DENND2B: variants seen among roughly 807,000 people sequenced by gnomAD.
DENND2B encodes the protein DENN domain-containing protein 2B.
A neutral mutation model predicts 116.0 loss-of-function variants in DENND2B; 32 were observed. That is an observed-to-expected ratio of 0.28 (90% CI 0.21 to 0.37). DENND2B has a LOEUF of 0.37. Among genes scored for constraint, DENND2B ranks in the 10% least tolerant of loss-of-function variants. The pLI is 1.00. For synonymous variants in DENND2B, 588 were observed against 583.9 expected (o/e 1.01, Z -0.10); for missense variants, 1,276 against 1,477.7 (o/e 0.86, Z 2.24).
intron 1 of DENND2B, among the ~76,000 whole-genome samples, chr11:8,791,631 G>T (rs1214598441): frequency 6.6e-6 from 1 of 151,926 alleles, no homozygotes; most frequent in Admixed American, 6.6e-5. Flanking sequence ...GCCGGGTATG[G>T]TGGCATGTGC....
chr11:8,707,980 C>T lies in DENND2B; in HGVS notation c.2353-126G>A. On this transcript the variant is annotated intron_variant, in intron 11 of 19. Transcript: ENST00000313726. This position sits in a 1 kb window ranked among gnomAD's most constrained non-coding sequence, Gnocchi z 4.8. ...CCTTCTAGTGGAGGAAGACTTTAAG[C>T]CTCCTCTAAACCTCTCTGCAACCAG... 1 of 1,532,924 alleles carries T rather than the reference C, an allele frequency of 6.5e-7. No homozygotes were observed. Among genetic ancestry groups the T allele is most frequent in the Non-Finnish European group, 8.7e-7 (1 of 1,144,608 alleles). 95.0% of individuals were successfully genotyped at this position (1,532,924 alleles called of 1,614,324 possible). A position where few individuals can be genotyped will look rare whatever the true frequency, so the allele number is the denominator to read the frequency against.
intron 2 of DENND2B, among the ~76,000 whole-genome samples, chr11:8,877,100 C>CTTTTTTTT (rs71059191): frequency 4.3e-5 from 4 of 93,074 alleles, no homozygotes; most frequent in Non-Finnish European, 7.6e-5. Flanking sequence ...CTTGAAGATA[C>CTTTTTTTT]TTTTTTTTTT....
intron 2 of DENND2B, among the ~76,000 whole-genome samples, chr11:8,732,293 A>G (rs1565770684): frequency 6.6e-6 from 1 of 152,238 alleles, no homozygotes; most frequent in African/African-American, 2.4e-5. Flanking sequence ...TGAAAAGTCT[A>G]TGAGGTTATC....
intron 1 of DENND2B, among the ~76,000 whole-genome samples, chr11:8,782,844 G>A (rs975695655): frequency 2.9e-5 from 4 of 138,888 alleles, no homozygotes; most frequent in African/African-American, 5.6e-5. Context: ...CCGAGATCAC[G>A]CCACTGCACT....
At chr11:8,785,727 T>A (rs1161321722) in intron 1 of DENND2B, 1 of 152,274 alleles carries the variant, frequency 6.6e-6, no homozygotes, top group Non-Finnish European at 1.5e-5. Flanking sequence ...CTCCTTCACC[T>A]GGTCCCTCAG....
At chr11:8,703,033 G>A (rs2041999107) in intron 13 of DENND2B, 2 of 324,038 alleles carry the variant, frequency 6.2e-6, no homozygotes, top group African/African-American at 2.1e-5. Flanking sequence ...TAGAGATAGG[G>A]AGAAGAAGGG....
At chr11:8,871,261 GA>G (rs1235468523) in intron 1 of DENND2B, 2 of 135,916 alleles carry the variant, frequency 1.5e-5, no homozygotes, top group East Asian at 2.6e-4. Context: ...GAGGGTGGGG[GA>G]CAGGGGTGAG....
chr11:8,909,603 G>A (rs1313869600), intron 1 of DENND2B: 1 of 152,060 alleles, frequency 6.6e-6, no homozygotes, highest in East Asian at 1.9e-4. Flanking sequence ...AAATGTTTTG[G>A]AATACCAATA....
intron 1 of DENND2B, chr11:8,808,369 G>C (rs2134475073): frequency 6.6e-6 from 1 of 152,250 alleles, no homozygotes; most frequent in Admixed American, 6.5e-5. Flanking sequence ...AAAAGCGACG[G>C]GTCTTTTGGA....
chr11:8,864,083 A>G (rs1283315651), intron 2 of DENND2B, among the ~76,000 whole-genome samples: 1 of 152,144 alleles, frequency 6.6e-6, no homozygotes, highest in Non-Finnish European at 1.5e-5. Flanking sequence ...ACTAATAGAA[A>G]AAATAACTGA....
Position 8,729,997 on chromosome 11 carries a change from G to C in DENND2B, c.1293C>G (p.Thr431=). ...CACGCATGTCCTTCTTGGGTCTCCG[G>C]GTGACTGGCGGGGCTGGGGTGGAGG... ...PLPSTPAPPV[T]RRPKKDMRGH... The change falls in exon 3 of 20, where the codon ACC becomes ACG. Residue 431 remains threonine (T), a synonymous_variant. Coordinates refer to ENST00000313726, the MANE Select transcript of DENND2B (RefSeq NM_213618.2). 1.2e-6 allele frequency: 2 copies of C among 1,614,162 alleles called. No individual in the cohort carries two copies. The highest frequency in any genetic ancestry group is 1.7e-6 in the Non-Finnish European group (2 of 1,180,028).
chr11:8,781,440 G>GGAA (rs1356262050), intron 1 of DENND2B, among the ~76,000 whole-genome samples: 2 of 152,098 alleles, frequency 1.3e-5, no homozygotes, highest in African/African-American at 4.8e-5. Flanking sequence ...CAAAGAGGTA[G>GGAA]GAATGTTCTA....
chr11:8,732,327 A>G (rs2048257173), intron 2 of DENND2B, among the ~76,000 whole-genome samples: 1 of 152,230 alleles, frequency 6.6e-6, no homozygotes, highest in African/African-American at 2.4e-5. Flanking sequence ...TCATTTTACA[A>G]ATAAAAAACA....
At chr11:8,751,737 T>C (rs909202040) in intron 1 of DENND2B, among the ~76,000 whole-genome samples, 3 of 152,042 alleles carry the variant, frequency 2.0e-5, no homozygotes, top group Admixed American at 1.3e-4. Flanking sequence ...GAAAACAAAA[T>C]AAACAAAGAA....
At chr11:8,718,443 A>C in intron 4 of DENND2B, 1 of 1,519,832 alleles carries the variant, frequency 6.6e-7, no homozygotes, top group Non-Finnish European at 8.8e-7. Flanking sequence ...ATGCCGTTCA[A>C]CAAGTCTTTT....
intron 2 of DENND2B, among the ~76,000 whole-genome samples, chr11:8,858,656 A>T (rs1594267829): frequency 6.6e-6 from 1 of 152,128 alleles, no homozygotes; most frequent in East Asian, 1.9e-4. Flanking sequence ...GAGGGTAAAA[A>T]ATATATATAT....
chr11:8,798,508 T>A (rs563600665), intron 1 of DENND2B, among the ~76,000 whole-genome samples: 1 of 152,176 alleles, frequency 6.6e-6, no homozygotes, highest in African/African-American at 2.4e-5. Flanking sequence ...CCCAGGAGGA[T>A]GGCACAGGTG....
chr11:8,744,294 C>T (rs2050821126), intron 2 of DENND2B, among the ~76,000 whole-genome samples: 1 of 151,690 alleles, frequency 6.6e-6, no homozygotes, highest in Admixed American at 6.6e-5. Context: ...CCACCATGCC[C>T]GGCTAATTTT....
chr11:8,805,224 A>T (rs984181336), intron 1 of DENND2B, among the ~76,000 whole-genome samples: 1 of 152,166 alleles, frequency 6.6e-6, no homozygotes, highest in Non-Finnish European at 1.5e-5. Flanking sequence ...TACTCATATT[A>T]AATGCAAATG....
Sources: allele counts gnomAD v4.1 joint callset (sites outside exome capture counted in the v4.1 genomes callset), GRCh38; gene constraint gnomAD v4.1.1; non-coding constraint Gnocchi (gnomAD v3.1); transcripts MANE v1.5; gene names NCBI Gene and HGNC (gene_info 2026-07-23, HGNC 2026-07-21).